The following NME1 variants were observed in gnomAD, a reference collection of about 807,000 sequenced individuals.
NME1 encodes nucleoside diphosphate kinase A.
A neutral mutation model predicts 17.2 loss-of-function variants in NME1; 9 were observed. That is an observed-to-expected ratio of 0.52 (90% CI 0.32 to 0.92). The LOEUF is 0.92. Among genes scored for constraint, NME1 ranks in the 40% least tolerant of loss-of-function variants. The probability of loss-of-function intolerance (pLI) is 0.04; values close to 1 mark genes in which losing one functional copy is unlikely to be tolerated. For missense variants in NME1, 169 were observed against 201.7 expected, an observed-to-expected ratio of 0.84 and a Z score of 0.98; for synonymous variants, 72 against 70.8, an observed-to-expected ratio of 1.02 and a Z score of -0.09.
intron 3 of NME1, 124 bp downstream of exon 3, chr17:51,160,205 C>T (rs918364320): frequency 5.0e-6 from 5 of 999,480 alleles, no homozygotes; most frequent in African/African-American, 4.8e-5. Flanking sequence ...CATATACCAG[C>T]TAATGGTTAG....
intron 1 of NME1, 159 bp downstream of exon 1, chr17:51,153,821 C>G (rs1167270019): frequency 6.2e-6 from 1 of 161,958 alleles, no homozygotes; most frequent in Non-Finnish European, 1.4e-5. Context: ...AAGTGCAGAC[C>G]GGTCGGCGCA....
intron 3 of NME1, 66 bp from the exon 4 acceptor site, chr17:51,161,094 A>T (rs759452965): frequency 1.1e-5 from 16 of 1,501,314 alleles, no homozygotes; most frequent in Non-Finnish European, 1.5e-5. Flanking sequence ...TTTTGAATTA[A>T]TAGTTGCCAG....
In NME1 at chr17:51,159,997, C is replaced by T. The variant is rs199789263; in HGVS notation, c.144C>T (p.Leu48=). 3.1e-6 allele frequency: 5 copies of T among 1,614,036 alleles called. No individual in the cohort carries two copies. The South Asian group carries it at 5.5e-5, about 18-fold the overall frequency. ...LKFMQASEDL[L]KEHYVDLKDR... is the part of the protein sequence containing the mutation. ...TTGAATAGGCTTCCGAAGATCTTCT[C>T]AAGGAACACTACGTTGACCTGAAGG... Residue 48 remains leucine (L), a synonymous_variant, in exon 3 of 5, where the codon CTC becomes CTT. Coordinates refer to ENST00000393196, the MANE Select transcript of NME1 (RefSeq NM_000269.3).
At chr17:51,154,543 T>G in intron 1 of NME1, 7 of 1,011,386 alleles carry the variant, frequency 6.9e-6, no homozygotes, top group African/African-American at 1.6e-5. Context: ...CAGATATTCC[T>G]AATGTCTGTA....
intron 2 of NME1, chr17:51,156,147 G>T: frequency 3.1e-6 from 1 of 319,328 alleles, no homozygotes; most frequent in South Asian, 2.7e-5. Context: ...TTTGAGACAG[G>T]TTGTTTTTTA....
chr17:51,160,768 C>T (rs566447018), intron 3 of NME1, among the ~76,000 whole-genome samples: 26 of 152,206 alleles, frequency 1.7e-4, no homozygotes, highest in African/African-American at 6.3e-4. Flanking sequence ...CGCCACCACG[C>T]CCAGCTAATC....
chr17:51,161,242 T>C lies in NME1; in HGVS notation c.311T>C (p.Ile104Thr). The C allele has an allele frequency of 6.2e-7, 1 of 1,612,324 alleles. No homozygotes were observed. The highest frequency in any genetic ancestry group is 1.1e-5 in the South Asian group (1 of 90,496). ...CCTGCAGACTCCAAGCCTGGGACCA[T>C]CCGTGGAGACTTCTGCATACAAGTT... is the stretch of plus-strand genomic sequence containing the variant. ...TNPADSKPGT[I>T]RGDFCIQVGR... The change falls in exon 4 of 5, where the codon ATC (isoleucine) becomes ACC (threonine). Residue 104 changes from isoleucine to threonine, a missense_variant. Transcript: ENST00000393196.
intron 2 of NME1, among the ~76,000 whole-genome samples, chr17:51,159,597 AAAATAAAT>A (rs910996317): frequency 2.0e-5 from 3 of 152,104 alleles, no homozygotes; most frequent in African/African-American, 7.2e-5. Context: ...ACTCTGTCTC[AAAATAAAT>A]AAATAAATAA....
intron 2 of NME1, 91 bp downstream of exon 2, chr17:51,155,871 A>ACCGT: frequency 1.9e-6 from 3 of 1,585,926 alleles, no homozygotes; most frequent in Non-Finnish European, 2.6e-6. Flanking sequence ...TCTTATTTAA[A>ACCGT]GTTCTCCACG....
intron 2 of NME1, among the ~76,000 whole-genome samples, chr17:51,157,114 C>G (rs1228851418): frequency 2.6e-5 from 4 of 151,536 alleles, no homozygotes; most frequent in Non-Finnish European, 5.9e-5. Flanking sequence ...GTTTGACTTG[C>G]AATTTACTTC....
At chr17:51,154,342 T>A in intron 1 of NME1, 1 of 1,607,152 alleles carries the variant, frequency 6.2e-7, no homozygotes, top group Non-Finnish European at 8.5e-7. Flanking sequence ...TAAGAAGAGG[T>A]TAACTAAAGG....
chr17:51,156,612 G>C (rs1052002098), intron 2 of NME1: 2 of 152,308 alleles, frequency 1.3e-5, no homozygotes, highest in Non-Finnish European at 2.9e-5. Context: ...GCTTGAACCA[G>C]CCAGGTGCGG....
At position 51,159,981 on chromosome 17, in the gene NME1, C is replaced by T. The variant is rs2049841657; in HGVS notation, c.128C>T (p.Ala43Val). The T allele has an allele frequency of 6.2e-7, 1 of 1,614,172 alleles. No individual in the cohort carries two copies. The highest frequency in any genetic ancestry group is 8.5e-7 in the Non-Finnish European group (1 of 1,180,022). The change falls in exon 3 of 5, where the codon GCT becomes GTT. Residue 43 changes from alanine (A) to valine (V), a missense_variant and splice_region_variant. Physicochemically the swap from Ala to Val is moderately conservative, Grantham distance 64. Transcript: ENST00000393196. ...CTCATTCTCTGTCCTGTTGAATAGG[C>T]TTCCGAAGATCTTCTCAAGGAACAC... ...FRLVGLKFMQ[A>V]SEDLLKEHYV...
chr17:51,156,946 T>C (rs113122023), intron 2 of NME1, among the ~76,000 whole-genome samples: 3,372 of 145,158 alleles, frequency 0.023, 149 homozygotes, highest in African/African-American at 0.082. Flanking sequence ...GAGGTTTCAG[T>C]GAGCCGATAT....
At chr17:51,157,213 A>C (rs1568120892) in intron 2 of NME1, among the ~76,000 whole-genome samples, 1 of 152,148 alleles carries the variant, frequency 6.6e-6, no homozygotes, top group Non-Finnish European at 1.5e-5. Context: ...TCTCCAAAAA[A>C]AAAGAAAAAA....
At position 51,161,656 on chromosome 17, in the gene NME1, G is replaced by A. The variant is rs2049865999; in HGVS notation, c.342-72G>A. On this transcript the variant is annotated intron_variant, in intron 4 of 4. Transcript: ENST00000393196. ...CTTCAGCTTTTATGCTGCTGTGGCT[G>A]TAGATTTCTGGCAATGGGCGCATTT... The A allele has an allele frequency of 3.6e-6, 4 of 1,099,998 alleles. No homozygotes were observed. The South Asian group carries it at 5.0e-5, about 14-fold the overall frequency. The allele number at this position is 1,099,998 out of a possible 1,614,324, so 68.1% of individuals were successfully genotyped here. A position where few individuals can be genotyped will look rare whatever the true frequency, so the allele number is the denominator to read the frequency against.
chr17:51,154,280 C>G, intron 1 of NME1: 1 of 1,122,706 alleles, frequency 8.9e-7, no homozygotes, highest in Admixed American at 1.7e-5. Context: ...GCCTGGTGTG[C>G]AGGGGAGGCA....
intron 3 of NME1, chr17:51,160,408 G>A (rs2049848113): frequency 1.0e-5 from 4 of 401,020 alleles, no homozygotes; most frequent in South Asian, 2.1e-5. Flanking sequence ...CAAACAGCAT[G>A]TGCAAAGGTC....
At chr17:51,161,565 T>A (rs1245165812) in intron 4 of NME1, 163 bp from the exon 5 acceptor site, 11 of 718,040 alleles carry the variant, frequency 1.5e-5, no homozygotes, top group Non-Finnish European at 2.7e-5. Context: ...GGGGAGGGCA[T>A]TTTTCAGCCT....
Sources: gnomAD v4.1 joint callset for allele counts (sites outside exome capture counted in the v4.1 genomes callset) on GRCh38, gnomAD v4.1.1 for gene constraint, MANE v1.5 for transcripts, NCBI Gene and HGNC (gene_info 2026-07-23, HGNC 2026-07-21) for gene names.